SCN10A: variants seen among roughly 807,000 people sequenced by gnomAD.
SCN10A encodes the protein sodium voltage-gated channel alpha subunit 10, also known as sodium channel protein type 10 subunit alpha.
SCN10A carries 162 observed loss-of-function variants against 170.7 expected under a neutral mutation model. The ratio of observed to expected loss-of-function variants is 0.95; its 90% CI spans 0.84 to 1.08. SCN10A has a LOEUF of 1.08. Among genes scored for constraint, SCN10A ranks in the 50% least tolerant of loss-of-function variants. The pLI is 0.00. For synonymous variants in SCN10A, 985 were observed against 904.6 expected, an observed-to-expected ratio of 1.09 and a Z score of -1.59; for missense variants, 2,527 against 2,436.9, an observed-to-expected ratio of 1.04 and a Z score of -0.78.
chr3:38,712,790 T>C (rs545513037), intron 22 of SCN10A, among the ~76,000 whole-genome samples: 63 of 152,294 alleles, frequency 4.1e-4, no homozygotes, highest in African/African-American at 1.5e-3. Context: ...TTAAATACCA[T>C]ACATAAAACA....
intron 1 of SCN10A, among the ~76,000 whole-genome samples, chr3:38,797,880 C>G (rs971780765): frequency 6.6e-6 from 1 of 152,206 alleles, no homozygotes; most frequent in African/African-American, 2.4e-5. Flanking sequence ...CATAATTATT[C>G]TGGGCTACCA....
chr3:38,794,128 A>G, intron 1 of SCN10A, 86 bp from the exon 2 acceptor site: 1 of 947,734 alleles, frequency 1.1e-6, no homozygotes, highest in Non-Finnish European at 1.6e-6. Flanking sequence ...GATTGTCAGA[A>G]CAGCCCTTCT....
intron 18 of SCN10A, among the ~76,000 whole-genome samples, chr3:38,724,639 A>T (rs2063432797): frequency 1.3e-5 from 2 of 152,186 alleles, no homozygotes; most frequent in Non-Finnish European, 2.9e-5. Flanking sequence ...GGAGAATCAC[A>T]AGGGAAAACT....
chr3:38,804,961 T>C (rs544822768), intron 1 of SCN10A, among the ~76,000 whole-genome samples: 5 of 152,092 alleles, frequency 3.3e-5, no homozygotes, highest in Non-Finnish European at 7.4e-5. Context: ...CTTGTTCTAG[T>C]TGTGGGAATG....
intron 13 of SCN10A, among the ~76,000 whole-genome samples, chr3:38,742,819 A>T (rs2063648454): frequency 6.6e-6 from 1 of 152,116 alleles, no homozygotes; most frequent in Non-Finnish European, 1.5e-5. Context: ...CTTAGATTTC[A>T]CATCCATCTC....
At chr3:38,803,285 G>C (rs13075057) in intron 1 of SCN10A, among the ~76,000 whole-genome samples, 69,551 of 151,868 alleles carry the variant, frequency 0.46, 17,685 homozygotes, top group African/African-American at 0.69. Context: ...TTTGACCCAG[G>C]CATCCCATTA....
At chr3:38,816,008 C>T (rs1274910389) in intron 1 of SCN10A, 29 bp downstream of exon 1, 1 of 152,200 alleles carries the variant, frequency 6.6e-6, no homozygotes, top group Non-Finnish European at 1.5e-5. Context: ...CACTGTTAGC[C>T]ACAGACTAAC....
chr3:38,792,574 C>T (rs1451999870), intron 2 of SCN10A, among the ~76,000 whole-genome samples: 1 of 152,208 alleles, frequency 6.6e-6, no homozygotes, highest in Admixed American at 6.5e-5. Flanking sequence ...CTGTCTCCAC[C>T]TTCTACATCT....
Position 38,702,000 on chromosome 3 carries a change from T to G in SCN10A, c.4496A>C (p.Asp1499Ala). ...AATTTTCGTCTTTTCTTCACTTTGG[T>G]CATCAGTCTCCACCATCATGGTGAT... ...NMITMMVETD[D>A]QSEEKTKILG... Residue 1499 changes from aspartate to alanine, a missense_variant, in exon 27 of 28, where the codon GAC becomes GCC. Physicochemically the swap from Asp to Ala is moderately radical, Grantham distance 126. Coordinates refer to ENST00000449082, the MANE Select transcript of SCN10A (RefSeq NM_006514.4). 1 of 1,614,134 alleles carries G rather than the reference T, an allele frequency of 6.2e-7. No homozygotes were observed.
chr3:38,741,078 C>T (rs1001673328), intron 14 of SCN10A, among the ~76,000 whole-genome samples: 6 of 152,130 alleles, frequency 3.9e-5, no homozygotes, highest in African/African-American at 7.2e-5. Flanking sequence ...TGGATTATGG[C>T]GGAGGGAGTG....
intron 15 of SCN10A, among the ~76,000 whole-genome samples, chr3:38,737,510 C>T (rs1021450208): frequency 6.6e-6 from 1 of 152,208 alleles, no homozygotes; most frequent in African/African-American, 2.4e-5. Context: ...CTACCCTTCT[C>T]CTCCCTGGGA....
chr3:38,802,702 G>T (rs546858968), intron 1 of SCN10A, among the ~76,000 whole-genome samples: 57 of 152,258 alleles, frequency 3.7e-4, no homozygotes, highest in African/African-American at 1.3e-3. Flanking sequence ...AATCCTAGAA[G>T]AAAACCTAGG....
chr3:38,800,739 G>C (rs750411349), intron 1 of SCN10A, among the ~76,000 whole-genome samples: 3 of 152,100 alleles, frequency 2.0e-5, no homozygotes, highest in Non-Finnish European at 4.4e-5. Context: ...CTTACATCCA[G>C]GGAATGAGAA....
At chr3:38,707,429 C>T (rs535925070) in intron 25 of SCN10A, 46 bp from the exon 26 acceptor site, 37 of 1,593,596 alleles carry the variant, frequency 2.3e-5, no homozygotes, top group Middle Eastern at 3.3e-4. Flanking sequence ...GAACCCCCTA[C>T]GGATACCAAA....
chr3:38,726,626 C>A lies in SCN10A; in HGVS notation c.3067G>T (p.Glu1023Ter). Residue 1023 changes from glutamate (E) to a stop codon, truncating the protein, a stop_gained, in exon 17 of 28, where the codon GAA becomes TAA. Transcript: ENST00000449082. LOFTEE classifies it high-confidence loss of function. ...CTTACCTGTCCTTTGGGGATCACTT[C>A]CTGCTGGAAGCTCTGAGCATCTTCC... Reference protein sequence around the residue: ...GGEDAQSFQQEVIPKGQQEQL... With the variant: ...GGEDAQSFQQ The A allele has an allele frequency of 6.3e-7, 1 of 1,591,292 alleles. No homozygotes were observed. Among genetic ancestry groups the A allele is most frequent in the Non-Finnish European group, 8.6e-7 (1 of 1,163,436 alleles).
intron 4 of SCN10A, among the ~76,000 whole-genome samples, chr3:38,776,927 T>C (rs749296741): frequency 2.8e-4 from 43 of 152,148 alleles, no homozygotes; most frequent in South Asian, 1.2e-3. Context: ...TACTAACAGA[T>C]GAAAGACTAT....
chr3:38,772,870 T>C (rs1034790857), intron 4 of SCN10A, among the ~76,000 whole-genome samples: 1 of 152,018 alleles, frequency 6.6e-6, no homozygotes, highest in African/African-American at 2.4e-5. Context: ...AAAAATATGA[T>C]AGCAAAAGTA....
intron 21 of SCN10A, among the ~76,000 whole-genome samples, chr3:38,718,059 C>T (rs2063350741): frequency 6.6e-6 from 1 of 152,214 alleles, no homozygotes; most frequent in South Asian, 2.1e-4. Context: ...CTTTTCAATG[C>T]CACTGGGGAG....
intron 15 of SCN10A, among the ~76,000 whole-genome samples, chr3:38,730,971 C>T (rs1244499743): frequency 6.6e-6 from 1 of 152,110 alleles, no homozygotes; most frequent in Admixed American, 6.5e-5. Flanking sequence ...TGTCTGGGAA[C>T]TTTCCAGAAT....
Sources: allele counts gnomAD v4.1 joint callset (sites outside exome capture counted in the v4.1 genomes callset), GRCh38; gene constraint gnomAD v4.1.1; transcripts MANE v1.5; gene names NCBI Gene and HGNC (gene_info 2026-07-23, HGNC 2026-07-21).